FHOD3: variants seen among roughly 807,000 people sequenced by gnomAD.
The protein encoded by FHOD3 is formin homology 2 domain containing 3, also known as FH1/FH2 domain-containing protein 3.
A neutral mutation model predicts 173.0 loss-of-function variants in FHOD3; 90 were observed. The observed-to-expected ratio is 0.52, with a 90% confidence interval of 0.44 to 0.62. The LOEUF (loss-of-function observed/expected upper bound fraction) is 0.62. FHOD3 is among the 20% of genes least tolerant of loss of function. The probability of loss-of-function intolerance (pLI) is 0.00; values close to 1 mark genes in which losing one functional copy is unlikely to be tolerated. For synonymous variants in FHOD3, 828 were observed against 823.0 expected (o/e 1.01, Z -0.10); for missense variants, 1,945 against 2,034.7 (o/e 0.96, Z 0.85).
At chr18:36,712,979 TAAAAG>T (rs1238221141) in intron 18 of FHOD3, among the ~76,000 whole-genome samples, 1 of 152,174 alleles carries the variant, frequency 6.6e-6, no homozygotes, top group Non-Finnish European at 1.5e-5. Flanking sequence ...TTGCAAGTGC[TAAAAG>T]AAAAGAACCG....
rs536530154 is a variant in FHOD3 at position 36,498,780 on chromosome 18, T to G, written c.338-3152T>G. 1.4e-4 allele frequency among the ~76,000 whole-genome samples: 21 copies of G among 152,386 alleles called. No individual in the cohort carries two copies. The South Asian group carries it at 4.3e-3, about 32-fold the overall frequency. On this transcript the variant is annotated intron_variant, in intron 3 of 28. Coordinates refer to ENST00000590592, the MANE Select transcript of FHOD3 (RefSeq NM_001281740.3). ...AGAAACTATAAACCAGTATTTCTTA[T>G]GATTATAGATGCAGAAATTTTCAAC...
At chr18:36,686,693 A>G (rs1270306333) in intron 15 of FHOD3, among the ~76,000 whole-genome samples, 1 of 152,058 alleles carries the variant, frequency 6.6e-6, no homozygotes, top group South Asian at 2.1e-4. Context: ...TGTGGAGTGC[A>G]ACATAGAATG....
intron 25 of FHOD3, among the ~76,000 whole-genome samples, chr18:36,756,060 G>A (rs2042621424): frequency 2.0e-5 from 3 of 152,184 alleles, no homozygotes; most frequent in Admixed American, 2.0e-4. Context: ...GTAAAGGGAT[G>A]CATGACGATG....
intron 1 of FHOD3, among the ~76,000 whole-genome samples, chr18:36,327,178 T>A (rs2044715357): frequency 6.6e-6 from 1 of 152,198 alleles, no homozygotes; most frequent in Non-Finnish European, 1.5e-5. Flanking sequence ...CCCTCAACAA[T>A]GCTGAAATCA....
chr18:36,523,534 A>C (rs1423609702), intron 5 of FHOD3, among the ~76,000 whole-genome samples: 1 of 152,226 alleles, frequency 6.6e-6, no homozygotes, highest in Non-Finnish European at 1.5e-5. Flanking sequence ...TTCAGAGCTG[A>C]AGAGTTAGGG....
At chr18:36,597,717 T>G (rs1181347837) in intron 7 of FHOD3, among the ~76,000 whole-genome samples, 2 of 152,092 alleles carry the variant, frequency 1.3e-5, no homozygotes, top group South Asian at 4.1e-4. Flanking sequence ...TGAGCCACTG[T>G]GCCTGGACAG....
At chr18:36,463,799 G>C (rs2052740125) in intron 3 of FHOD3, among the ~76,000 whole-genome samples, 1 of 152,128 alleles carries the variant, frequency 6.6e-6, no homozygotes, top group Non-Finnish European at 1.5e-5. Flanking sequence ...TGGCCCAAGT[G>C]CCAATTTATT....
chr18:36,639,267 C>T lies in FHOD3; in HGVS notation c.1197-10049C>T, dbSNP rs180686099. 3.3e-3 allele frequency among the ~76,000 whole-genome samples: 504 copies of T among 152,232 alleles called. 1 individual carries two copies. The highest frequency in any genetic ancestry group is 5.0e-3 in the Non-Finnish European group (343 of 68,018). On this transcript the variant is annotated intron_variant, in intron 10 of 28. Coordinates refer to ENST00000590592, the MANE Select transcript of FHOD3 (RefSeq NM_001281740.3). ...ATTTAAAGCAACGAATATTGGCCGG[C>T]GTGGTGGCTCACGCCTGTAATCCCA...
At chr18:36,668,745 G>A (rs2037345062) in intron 14 of FHOD3, among the ~76,000 whole-genome samples, 2 of 151,906 alleles carry the variant, frequency 1.3e-5, no homozygotes, top group Admixed American at 6.6e-5. Context: ...TACCCCATGG[G>A]TTATTTTAAA....
chr18:36,306,883 G>A (rs1489300562), intron 1 of FHOD3, among the ~76,000 whole-genome samples: 7 of 152,162 alleles, frequency 4.6e-5, no homozygotes, highest in Non-Finnish European at 1.0e-4. Context: ...GCCTCTGCTA[G>A]GAGCACCTCC....
At chr18:36,570,882 C>T (rs1312469897) in intron 5 of FHOD3, among the ~76,000 whole-genome samples, 2 of 151,974 alleles carry the variant, frequency 1.3e-5, no homozygotes, top group Admixed American at 6.6e-5. Context: ...TGATAAAAGA[C>T]AATTTACAAA....
At chr18:36,425,872 G>A (rs1160210609) in intron 3 of FHOD3, among the ~76,000 whole-genome samples, 1 of 151,910 alleles carries the variant, frequency 6.6e-6, no homozygotes, top group Non-Finnish European at 1.5e-5. Context: ...CTGCAACTCT[G>A]GGAAGCACTT....
At chr18:36,482,850 CACACACACAGAGAGAGAGAGAGAGAG>C (rs1568331990) in intron 3 of FHOD3, among the ~76,000 whole-genome samples, 2 of 104,274 alleles carry the variant, frequency 1.9e-5, no homozygotes, top group African/African-American at 7.5e-5. Flanking sequence ...CACACACTCA[CACACACACAGAGAGAGAGAGAGAGAG>C]AGAGAGAGAG....
chr18:36,709,734 A>G (rs886247033), intron 18 of FHOD3: 4 of 253,108 alleles, frequency 1.6e-5, no homozygotes, highest in Non-Finnish European at 2.3e-5. Context: ...CATTGTGAAT[A>G]ATAGTAAGGT....
At chr18:36,586,559 A>G (rs1162271536) in intron 6 of FHOD3, among the ~76,000 whole-genome samples, 5 of 151,254 alleles carry the variant, frequency 3.3e-5, no homozygotes, top group Middle Eastern at 3.4e-3. Flanking sequence ...ATCTCGGCTC[A>G]CTGCAACCTC....
chr18:36,761,073 C>G (rs140332001), intron 27 of FHOD3, among the ~76,000 whole-genome samples: 5 of 152,336 alleles, frequency 3.3e-5, no homozygotes, highest in South Asian at 4.1e-4. Context: ...AAGCCAAATC[C>G]AGCCTTCCCC....
chr18:36,741,517 C>T (rs1224327665), intron 21 of FHOD3, among the ~76,000 whole-genome samples: 1 of 152,136 alleles, frequency 6.6e-6, no homozygotes, highest in Admixed American at 6.5e-5. Context: ...CACCTGTAAT[C>T]CCAGCACTTT....
chr18:36,593,795 C>G (rs544122885), intron 6 of FHOD3, among the ~76,000 whole-genome samples: 9 of 152,306 alleles, frequency 5.9e-5, no homozygotes, highest in African/African-American at 2.2e-4. Context: ...GCCCTGCAGC[C>G]ACAGTGCAAA....
chr18:36,477,440 A>G (rs1163568116), intron 3 of FHOD3, among the ~76,000 whole-genome samples: 1 of 152,106 alleles, frequency 6.6e-6, no homozygotes, highest in Non-Finnish European at 1.5e-5. Context: ...TTCCTGTGAC[A>G]GGGAAATAGC....
Sources: gnomAD v4.1 joint callset for allele counts (sites outside exome capture counted in the v4.1 genomes callset) on GRCh38, gnomAD v4.1.1 for gene constraint, MANE v1.5 for transcripts, NCBI Gene and HGNC (gene_info 2026-07-23, HGNC 2026-07-21) for gene names.